Variants in ATM observed in about 807,000 individuals in gnomAD.
ATM encodes the protein ATM serine/threonine kinase, also known as serine-protein kinase ATM.
A neutral mutation model predicts 387.0 loss-of-function variants in ATM; 308 were observed. That is an observed-to-expected ratio of 0.80 (90% CI 0.73 to 0.87). ATM has a LOEUF of 0.87. Among genes scored for constraint, ATM ranks in the 40% least tolerant of loss-of-function variants. The pLI is 0.00. For missense variants in ATM, 3,312 were observed against 3,560.9 expected, an observed-to-expected ratio of 0.93 and a Z score of 1.78; for synonymous variants, 1,156 against 1,187.3, an observed-to-expected ratio of 0.97 and a Z score of 0.54.
chr11:108,331,296 G>A (rs1208638231), intron 50 of ATM, 148 bp from the exon 51 acceptor site: 2 of 1,402,320 alleles, frequency 1.4e-6, no homozygotes, highest in Non-Finnish European at 1.9e-6. Context: ...GATAAGAAAA[G>A]AAATGAAGGA....
rs181539259 is a variant in ATM at position 108,234,257 on chromosome 11, A to G, written c.332-1413A>G. 2.8e-3 allele frequency among the ~76,000 whole-genome samples: 425 copies of G among 152,314 alleles called. 1 individual carries two copies. The highest frequency in any genetic ancestry group is 4.3e-3 in the Non-Finnish European group (294 of 68,032). ...CAGTTATATCAGTGTATATTTGTTT[A>G]CCATAGCCTGTGAATATAACTAGTT... On this transcript the variant is annotated intron_variant, in intron 4 of 62. Coordinates refer to ENST00000675843, the MANE Select transcript of ATM (RefSeq NM_000051.4).
intron 16 of ATM, among the ~76,000 whole-genome samples, chr11:108,264,509 T>A (rs1362269331): frequency 2.6e-5 from 4 of 152,016 alleles, no homozygotes; most frequent in Non-Finnish European, 4.4e-5. Context: ...TCTATGACAG[T>A]CCCACAGCCA....
At chr11:108,333,853 T>C (rs2136608361) in intron 53 of ATM, 33 bp from the exon 54 acceptor site, 2 of 1,514,326 alleles carry the variant, frequency 1.3e-6, no homozygotes, top group Non-Finnish European at 1.8e-6. Context: ...GTTCCTCAGT[T>C]TGTCACTAAA....
chr11:108,330,477 C>G (rs565086962), intron 50 of ATM, 56 bp downstream of exon 50: 1 of 1,547,862 alleles, frequency 6.5e-7, no homozygotes, highest in Admixed American at 1.7e-5. Flanking sequence ...TAGACATAAG[C>G]CCCTTGATGT....
chr11:108,363,005 C>G (rs1003395595), intron 61 of ATM, among the ~76,000 whole-genome samples: 15 of 152,046 alleles, frequency 9.9e-5, no homozygotes, highest in African/African-American at 3.4e-4. Flanking sequence ...AAAACACACC[C>G]TCCAATGCTT....
At chr11:108,251,443 G>A (rs1245139091) in intron 10 of ATM, among the ~76,000 whole-genome samples, 3 of 152,098 alleles carry the variant, frequency 2.0e-5, no homozygotes, top group Non-Finnish European at 4.4e-5. Context: ...AGGAACGTTT[G>A]AATTATTCTC....
chr11:108,268,651 T>C (rs2081402147), intron 18 of ATM, 42 bp downstream of exon 18: 4 of 1,576,348 alleles, frequency 2.5e-6, no homozygotes, highest in African/African-American at 1.3e-5. Flanking sequence ...TTTTATCTGA[T>C]GTTGCTGACT....
intron 9 of ATM, among the ~76,000 whole-genome samples, chr11:108,249,736 T>A (rs146026042): frequency 1.1e-3 from 160 of 152,320 alleles, no homozygotes; most frequent in African/African-American, 3.8e-3. Context: ...TAGATTATAG[T>A]CAAACTCGTG....
At chr11:108,297,703 T>C (rs1460699880) in intron 33 of ATM, among the ~76,000 whole-genome samples, 4 of 152,172 alleles carry the variant, frequency 2.6e-5, no homozygotes. Flanking sequence ...ATATGAGTGG[T>C]TATCTTTATT....
chr11:108,266,891 G>C (rs948859268), intron 16 of ATM, among the ~76,000 whole-genome samples: 1 of 150,704 alleles, frequency 6.6e-6, no homozygotes, highest in African/African-American at 2.4e-5. Flanking sequence ...TGCCTCCTGA[G>C]TTCAAGTGAT....
rs185696512 is a variant in ATM at position 108,335,643 on chromosome 11, G to C, written c.8152-202G>C. On this transcript the variant is annotated intron_variant, in intron 55 of 62. Coordinates refer to ENST00000675843, the MANE Select transcript of ATM (RefSeq NM_000051.4). ...GTTAATCTAATTACAGAAGTAGCGA[G>C]GGGAAACTTTCTAAATCAGTGTAAA... Among the ~76,000 whole-genome samples, 3 of 152,264 alleles carry C rather than the reference G, an allele frequency of 2.0e-5. No homozygotes were observed. The East Asian group carries it at 5.8e-4, about 29-fold the overall frequency.
chr11:108,233,504 G>T (rs749225468), intron 4 of ATM, among the ~76,000 whole-genome samples: 24 of 151,290 alleles, frequency 1.6e-4, no homozygotes, highest in Middle Eastern at 3.4e-3. Flanking sequence ...AGGGGGCAGT[G>T]GTTGCAGTGA....
At position 108,227,875 on chromosome 11, in the gene ATM, G is replaced by T. The variant is rs876660661; in HGVS notation, c.172G>T (p.Asp58Tyr). 1 of 1,611,658 alleles carries T rather than the reference G, an allele frequency of 6.2e-7. No individual in the cohort carries two copies. Among genetic ancestry groups the T allele is most frequent in the Non-Finnish European group, 8.5e-7 (1 of 1,178,844 alleles). ...DSKQGKYLNW[D>Y]AVFRFLQKYI... ...CAAACAAGGAAAATATTTGAATTGG[G>T]ATGCTGTTTTTAGGTATTCTATTCA... is the stretch of plus-strand genomic sequence containing the variant. Residue 58 changes from aspartate to tyrosine, a missense_variant, in exon 3 of 63, where the codon GAT (aspartate) becomes TAT (tyrosine). Asp to Tyr is a radical substitution (Grantham distance 160, BLOSUM62 -3). Coordinates refer to ENST00000675843, the MANE Select transcript of ATM (RefSeq NM_000051.4).
intron 7 of ATM, among the ~76,000 whole-genome samples, chr11:108,246,626 G>C (rs905999435): frequency 2.0e-5 from 3 of 152,098 alleles, no homozygotes; most frequent in Non-Finnish European, 4.4e-5. Context: ...TTTTCTCTTA[G>C]GCCAGAAAAA....
chr11:108,319,501 A>C (rs2085033332), intron 43 of ATM, among the ~76,000 whole-genome samples: 1 of 152,052 alleles, frequency 6.6e-6, no homozygotes, highest in South Asian at 2.1e-4. Context: ...GCCTTTCTTG[A>C]TTACCCATTC....
chr11:108,267,167 G>T lies in ATM; in HGVS notation c.2467-4G>T, dbSNP rs1555082048. The T allele has an allele frequency of 6.2e-7, 1 of 1,613,790 alleles. No individual in the cohort carries two copies. Among genetic ancestry groups the T allele is most frequent in the Non-Finnish European group, 8.5e-7 (1 of 1,179,894 alleles). On this transcript the variant is annotated splice_region_variant and splice_polypyrimidine_tract_variant and intron_variant, in intron 16 of 62. Transcript: ENST00000675843. Reference sequence around the variant, plus strand: ...TTGAACATCTTTGTTTCTCTTCCTTGAAGGCATCCTTCATCAAAAAGCCAT... The same window carrying T: ...TTGAACATCTTTGTTTCTCTTCCTTTAAGGCATCCTTCATCAAAAAGCCAT...
intron 16 of ATM, among the ~76,000 whole-genome samples, chr11:108,262,342 G>T (rs910888392): frequency 6.6e-6 from 1 of 152,180 alleles, no homozygotes; most frequent in African/African-American, 2.4e-5. Context: ...CATTCTTAAA[G>T]AAAAGAATTT....
intron 56 of ATM, among the ~76,000 whole-genome samples, chr11:108,342,856 C>T (rs769027536): frequency 7.2e-5 from 11 of 151,978 alleles, no homozygotes; most frequent in Non-Finnish European, 1.6e-4. Context: ...AGTGAAACTC[C>T]CCAAATTTAA....
At chr11:108,226,101 T>G (rs997793783) in intron 1 of ATM, 3 of 152,190 alleles carry the variant, frequency 2.0e-5, no homozygotes, top group Non-Finnish European at 2.9e-5. Context: ...TATATAAAGG[T>G]TTAGATCAGA....
Sources: allele counts gnomAD v4.1 joint callset (sites outside exome capture counted in the v4.1 genomes callset), GRCh38; gene constraint gnomAD v4.1.1; transcripts MANE v1.5; gene names NCBI Gene and HGNC (gene_info 2026-07-23, HGNC 2026-07-21).